Variants in CDK17 observed in about 807,000 individuals in gnomAD.
CDK17 encodes the protein cyclin dependent kinase 17, also known as cyclin-dependent kinase 17.
A neutral mutation model predicts 77.6 loss-of-function variants in CDK17; 24 were observed. That is an observed-to-expected ratio of 0.31 (90% CI 0.22 to 0.44). The LOEUF is 0.44. Ranked by LOEUF, CDK17 falls within the 20% of genes least tolerant of loss-of-function variation. CDK17 has a pLI of 1.00. For missense variants in CDK17, 429 were observed against 622.5 expected, an observed-to-expected ratio of 0.69 and a Z score of 3.31; for synonymous variants, 203 against 210.4, an observed-to-expected ratio of 0.96 and a Z score of 0.30.
In CDK17 at chr12:96,297,652, G is replaced by T; in HGVS notation, c.785C>A (p.Ser262Tyr). Residue 262 changes from serine (S) to tyrosine (Y), a missense_variant, in exon 8 of 17, where the codon TCC (serine) becomes TAC (tyrosine). This residue lies in a region of CDK17 where 262 missense variants were observed against 385.4 expected (regional missense o/e 0.68). Transcript: ENST00000261211. The part of the protein sequence containing the change: ...TLHDIVHTDK[S>Y]LTLVFEYLDK... ...CAGATACTCAAACACCAAAGTCAAG[G>T]ATTTATCTGTGTGAACAATGTCATG... is the stretch of plus-strand genomic sequence containing the variant. 1.2e-6 allele frequency: 2 copies of T among 1,601,450 alleles called. No individual in the cohort carries two copies. Among genetic ancestry groups the T allele is most frequent in the Non-Finnish European group, 1.7e-6 (2 of 1,169,952 alleles).
intron 3 of CDK17, among the ~76,000 whole-genome samples, chr12:96,323,328 C>T (rs373239860): frequency 6.2e-4 from 94 of 151,154 alleles, no homozygotes; most frequent in African/African-American, 2.2e-3. Flanking sequence ...TAGCGGCATG[C>T]ACAGGTAGTT....
intron 5 of CDK17, among the ~76,000 whole-genome samples, chr12:96,305,158 A>G (rs993728036): frequency 6.6e-6 from 1 of 152,226 alleles, no homozygotes; most frequent in Non-Finnish European, 1.5e-5. Flanking sequence ...TTAACTAAAT[A>G]TGTTGACAAT....
intron 6 of CDK17, among the ~76,000 whole-genome samples, chr12:96,299,260 T>C (rs980347666): frequency 6.6e-6 from 1 of 152,180 alleles, no homozygotes; most frequent in Admixed American, 6.5e-5. Context: ...TATTTTAGAT[T>C]AACAATTAGA....
intron 1 of CDK17, among the ~76,000 whole-genome samples, chr12:96,352,335 A>G (rs1953323974): frequency 6.6e-6 from 1 of 152,002 alleles, no homozygotes; most frequent in Non-Finnish European, 1.5e-5. Flanking sequence ...GCAGGGTATT[A>G]GTTCAGTGCT....
chr12:96,381,605 G>T (rs533811815), intron 1 of CDK17, among the ~76,000 whole-genome samples: 5 of 151,886 alleles, frequency 3.3e-5, no homozygotes, highest in African/African-American at 1.2e-4. Context: ...TTTTTTGCCT[G>T]CCATTTACTA....
intron 1 of CDK17, among the ~76,000 whole-genome samples, chr12:96,378,510 C>G (rs932182253): frequency 6.6e-6 from 1 of 152,170 alleles, no homozygotes; most frequent in South Asian, 2.1e-4. Flanking sequence ...GGCCTGGTTC[C>G]TTTTACTGGA....
intron 1 of CDK17, among the ~76,000 whole-genome samples, chr12:96,394,889 T>TC (rs398116777): frequency 2.5e-4 from 38 of 150,914 alleles, no homozygotes; most frequent in Admixed American, 4.6e-4. Flanking sequence ...ATAATTTTTT[T>TC]CCCCCGAGAC....
At chr12:96,298,468 T>C (rs1439084444) in intron 7 of CDK17, among the ~76,000 whole-genome samples, 1 of 152,184 alleles carries the variant, frequency 6.6e-6, no homozygotes, top group Non-Finnish European at 1.5e-5. Context: ...GGAACCATTT[T>C]TCCCCTCCAC....
At chr12:96,291,621 C>G (rs1196705389) in intron 10 of CDK17, among the ~76,000 whole-genome samples, 1 of 148,650 alleles carries the variant, frequency 6.7e-6, no homozygotes, top group Non-Finnish European at 1.5e-5. Flanking sequence ...CCTTGACATT[C>G]CTTTTGCTTT....
Position 96,326,980 on chromosome 12 carries a change from GAAGGGTTA to G in CDK17, c.119-2876_119-2869del, listed in dbSNP as rs1277109517. Among the ~76,000 whole-genome samples, 19 of 152,332 alleles carry G rather than the reference GAAGGGTTA, an allele frequency of 1.2e-4. No homozygotes were observed. The East Asian group carries it at 1.3e-3, about 11-fold the overall frequency. On this transcript the variant is annotated intron_variant, in intron 2 of 16. Transcript: ENST00000261211. Reference sequence around the variant, plus strand: ...ATTCATGTTTCAAAAATATCACTGTGAAGGGTTAAAGATAGTAGGAGGTAAGGGGGTAG... The same window carrying G: ...ATTCATGTTTCAAAAATATCACTGTGAAGATAGTAGGAGGTAAGGGGGTAG...
chr12:96,321,883 G>A (rs1380224962), intron 3 of CDK17, among the ~76,000 whole-genome samples: 3 of 143,648 alleles, frequency 2.1e-5, no homozygotes, highest in Admixed American at 7.0e-5. Flanking sequence ...TGGGTGCAGC[G>A]CACCAGCATG....
intron 1 of CDK17, among the ~76,000 whole-genome samples, chr12:96,381,031 A>C (rs942571062): frequency 2.0e-5 from 3 of 152,084 alleles, no homozygotes; most frequent in Non-Finnish European, 4.4e-5. Context: ...CCCTCAGCTA[A>C]ATGTCACTCT....
chr12:96,299,769 C>A (rs909172402), intron 6 of CDK17, among the ~76,000 whole-genome samples: 1 of 152,166 alleles, frequency 6.6e-6, no homozygotes, highest in Non-Finnish European at 1.5e-5. Context: ...AGGATCTCTT[C>A]TATTATTGCC....
chr12:96,336,367 G>A (rs1267955277), intron 1 of CDK17, among the ~76,000 whole-genome samples: 1 of 152,236 alleles, frequency 6.6e-6, no homozygotes, highest in East Asian at 1.9e-4. Context: ...AGGAGACTGG[G>A]GTGGGAGGAT....
chr12:96,323,962 T>C lies in CDK17; in HGVS notation c.269A>G (p.Asn90Ser), dbSNP rs552400448. Residue 90 changes from asparagine (N) to serine (S), a missense_variant, in exon 3 of 17, where the codon AAT becomes AGT. Asn to Ser is a conservative substitution (Grantham distance 46, BLOSUM62 1). This residue lies in a region of CDK17 where 262 missense variants were observed against 385.4 expected (regional missense o/e 0.68). Transcript: ENST00000261211. ...AATCAAATTACCTAATCTGCTTCCA[T>C]TTCTGGGCATTGCCATGAAGGAGCC... is the stretch of plus-strand genomic sequence containing the variant. ...SLGSFMAMPRNGSRLDIVHEN... is the reference protein window; with the variant it reads ...SLGSFMAMPRSGSRLDIVHEN... 1 of 1,591,116 alleles carries C rather than the reference T, an allele frequency of 6.3e-7. No homozygotes were observed. The highest frequency in any genetic ancestry group is 1.3e-5 in the African/African-American group (1 of 74,366).
chr12:96,384,491 G>A (rs1437285548), intron 1 of CDK17, among the ~76,000 whole-genome samples: 5 of 152,112 alleles, frequency 3.3e-5, no homozygotes, highest in African/African-American at 1.2e-4. Context: ...CAATAGCAAA[G>A]ACATGGAATC....
At chr12:96,294,650 T>C (rs563749813) in intron 10 of CDK17, among the ~76,000 whole-genome samples, 34 of 149,710 alleles carry the variant, frequency 2.3e-4, no homozygotes, top group Admixed American at 2.0e-3. Context: ...TATAGTTTTA[T>C]GCATTATTAT....
intron 1 of CDK17, among the ~76,000 whole-genome samples, chr12:96,341,609 G>A (rs930356796): frequency 6.6e-6 from 1 of 152,116 alleles, no homozygotes; most frequent in Non-Finnish European, 1.5e-5. Context: ...TGGATTATCT[G>A]CTATACAATT....
intron 1 of CDK17, among the ~76,000 whole-genome samples, chr12:96,352,026 A>C (rs1400313527): frequency 2.0e-5 from 3 of 152,200 alleles, no homozygotes; most frequent in Non-Finnish European, 4.4e-5. Flanking sequence ...CCCTTTCTGG[A>C]AAAGAAAACA....
Sources: allele counts gnomAD v4.1 joint callset (sites outside exome capture counted in the v4.1 genomes callset), GRCh38; gene constraint gnomAD v4.1.1; regional missense constraint gnomAD v4.1.1; transcripts MANE v1.5; gene names NCBI Gene and HGNC (gene_info 2026-07-23, HGNC 2026-07-21).